Variants in RYR2 observed in about 807,000 individuals in gnomAD.
RYR2 encodes ryanodine receptor 2.
A neutral mutation model predicts 601.1 loss-of-function variants in RYR2; 227 were observed. The observed-to-expected ratio is 0.38, with a 90% CI of 0.34 to 0.42. The LOEUF is 0.42. Ranked by LOEUF, RYR2 falls within the 10% of genes least tolerant of loss-of-function variation. The probability of loss-of-function intolerance (pLI) is 1.00; values close to 1 mark genes in which losing one functional copy is unlikely to be tolerated. For synonymous variants in RYR2, 2,223 were observed against 2,175.1 expected (o/e 1.02, Z -0.61); for missense variants, 4,646 against 6,156.5 (o/e 0.75, Z 8.21).
chr1:237,638,346 G>A lies in RYR2; in HGVS notation c.6793-11G>A, dbSNP rs1681091157. 2 of 1,613,776 alleles carry A rather than the reference G, an allele frequency of 1.2e-6. No homozygotes were observed. The highest frequency in any genetic ancestry group is 1.7e-6 in the Non-Finnish European group (2 of 1,179,762). ...CAAGGGATAACTCTTTGTTAATCAT[G>A]TTGTTTGCAGGTAGTTCGTTATTTG... On this transcript the variant is annotated splice_polypyrimidine_tract_variant and intron_variant, in intron 44 of 104. Coordinates refer to ENST00000366574, the MANE Select transcript of RYR2 (RefSeq NM_001035.3).
At chr1:237,508,978 G>C (rs1479219869) in intron 23 of RYR2, among the ~76,000 whole-genome samples, 2 of 151,726 alleles carry the variant, frequency 1.3e-5, no homozygotes, top group Non-Finnish European at 2.9e-5. Flanking sequence ...TCCTGACCTC[G>C]TGATCCGCCC....
At chr1:237,178,791 C>T (rs770869516) in intron 1 of RYR2, among the ~76,000 whole-genome samples, 22 of 151,938 alleles carry the variant, frequency 1.4e-4, no homozygotes, top group Non-Finnish European at 2.4e-4. Flanking sequence ...GGTGACACAG[C>T]GAGACCCTGT....
intron 5 of RYR2, among the ~76,000 whole-genome samples, chr1:237,365,731 C>A (rs1028494341): frequency 1.3e-5 from 2 of 152,188 alleles, no homozygotes; most frequent in Non-Finnish European, 2.9e-5. Context: ...ATTTTATCAT[C>A]TCATTCTTAA....
chr1:237,659,900 C>A, intron 54 of RYR2, 85 bp from the exon 55 acceptor site: 1 of 775,594 alleles, frequency 1.3e-6, no homozygotes, highest in Non-Finnish European at 2.0e-6. Context: ...TTTATTTTAT[C>A]AAACACGCAC....
intron 24 of RYR2, among the ~76,000 whole-genome samples, chr1:237,512,703 T>C (rs1486480604): frequency 6.6e-6 from 1 of 152,170 alleles, no homozygotes; most frequent in Non-Finnish European, 1.5e-5. Context: ...TGAGACCCCA[T>C]GTCAACAAAA....
chr1:237,156,377 A>G (rs1675333628), intron 1 of RYR2, among the ~76,000 whole-genome samples: 1 of 152,218 alleles, frequency 6.6e-6, no homozygotes, highest in African/African-American at 2.4e-5. Flanking sequence ...AGAAAGTCTC[A>G]GACTCAAACA....
intron 58 of RYR2, among the ~76,000 whole-genome samples, chr1:237,673,577 A>G (rs938416038): frequency 7.2e-5 from 11 of 152,184 alleles, no homozygotes; most frequent in African/African-American, 2.7e-4. Context: ...GCACATCTAC[A>G]TATGGTTTTG....
chr1:237,404,900 A>G (rs909621287), intron 10 of RYR2, among the ~76,000 whole-genome samples: 1 of 152,198 alleles, frequency 6.6e-6, no homozygotes, highest in Non-Finnish European at 1.5e-5. Flanking sequence ...TCAGAGCGCA[A>G]TGAAATAAGG....
chr1:237,086,903 T>C (rs1666395008), intron 1 of RYR2, among the ~76,000 whole-genome samples: 1 of 152,294 alleles, frequency 6.6e-6, no homozygotes, highest in Admixed American at 6.5e-5. Flanking sequence ...ATGGACAAGT[T>C]GGTGCTATCC....
intron 50 of RYR2, among the ~76,000 whole-genome samples, chr1:237,650,948 A>G (rs1682667822): frequency 1.3e-5 from 2 of 152,350 alleles, no homozygotes; most frequent in South Asian, 4.1e-4. Context: ...CTGACACAGT[A>G]GATGTTCACT....
chr1:237,808,824 G>A (rs953187421), intron 99 of RYR2, 77 bp from the exon 100 acceptor site: 23 of 1,425,448 alleles, frequency 1.6e-5, no homozygotes, highest in African/African-American at 1.3e-4. Context: ...TAGAGCACTC[G>A]CCGCCCATGT....
chr1:237,708,809 T>C (rs372123513), intron 68 of RYR2, 49 bp from the exon 69 acceptor site: 15 of 1,513,400 alleles, frequency 9.9e-6, no homozygotes, highest in Non-Finnish European at 1.3e-5. Flanking sequence ...TATCATCATG[T>C]TAATGAATGG....
chr1:237,726,942 T>A (rs1690252949), intron 75 of RYR2, 145 bp from the exon 76 acceptor site: 2 of 561,506 alleles, frequency 3.6e-6, no homozygotes, highest in South Asian at 5.2e-5. Context: ...TAAGGTACTT[T>A]TGGAATTGGA....
chr1:237,613,645 A>C (rs1678137457), intron 36 of RYR2, among the ~76,000 whole-genome samples: 1 of 152,222 alleles, frequency 6.6e-6, no homozygotes, highest in African/African-American at 2.4e-5. Context: ...GATTAAAAGT[A>C]CTATGCAGCC....
intron 1 of RYR2, among the ~76,000 whole-genome samples, chr1:237,051,347 G>A (rs11582448): frequency 0.4 from 47,658 of 118,872 alleles, 9,508 homozygotes; most frequent in African/African-American, 0.47. Flanking sequence ...CTCCCCTCTC[G>A]TCTTCTCTCC....
At chr1:237,668,140 C>A (rs551373404) in intron 58 of RYR2, among the ~76,000 whole-genome samples, 182 bp downstream of exon 58, 2 of 152,148 alleles carry the variant, frequency 1.3e-5, no homozygotes, top group Non-Finnish European at 2.9e-5. Context: ...TATATATTTT[C>A]TTGTGTCTCA....
chr1:237,736,958 GT>G (rs1204312177), intron 79 of RYR2, among the ~76,000 whole-genome samples: 1 of 152,120 alleles, frequency 6.6e-6, no homozygotes, highest in African/African-American at 2.4e-5. Flanking sequence ...TTGCTAGGAG[GT>G]GGCTTGTAAG....
chr1:237,123,560 C>A (rs1481115254), intron 1 of RYR2, among the ~76,000 whole-genome samples: 1 of 151,464 alleles, frequency 6.6e-6, no homozygotes, highest in South Asian at 2.1e-4. Context: ...GCGCTCAAAT[C>A]TGGGTGACAG....
At chr1:237,551,530 C>CAAAAAA (rs34940458) in intron 27 of RYR2, among the ~76,000 whole-genome samples, 3 of 90,442 alleles carry the variant, frequency 3.3e-5, no homozygotes, top group African/African-American at 4.4e-5. Context: ...GACTCCGTCT[C>CAAAAAA]AAAAAAAAAA....
Sources: allele counts gnomAD v4.1 joint callset (sites outside exome capture counted in the v4.1 genomes callset), GRCh38; gene constraint gnomAD v4.1.1; transcripts MANE v1.5; gene names NCBI Gene and HGNC (gene_info 2026-07-23, HGNC 2026-07-21).